Variants in SYNCRIP observed in about 807,000 individuals in gnomAD.
The protein encoded by SYNCRIP is synaptotagmin binding cytoplasmic RNA interacting protein, also known as heterogeneous nuclear ribonucleoprotein Q.
In SYNCRIP, 9 loss-of-function variants were observed where a neutral mutation model predicts 68.9. That is an observed-to-expected ratio of 0.13 (90% CI 0.08 to 0.23). The LOEUF is 0.23. Ranked by LOEUF, SYNCRIP falls within the 10% of genes least tolerant of loss-of-function variation. The probability of loss-of-function intolerance (pLI) is 1.00; values close to 1 mark genes in which losing one functional copy is unlikely to be tolerated. For synonymous variants in SYNCRIP, 258 were observed against 254.0 expected (o/e 1.02, Z -0.15); for missense variants, 414 against 770.6 (o/e 0.54, Z 5.48).
chr6:85,617,261 T>C (rs1169643304), intron 10 of SYNCRIP, among the ~76,000 whole-genome samples: 1 of 152,134 alleles, frequency 6.6e-6, no homozygotes, highest in African/African-American at 2.4e-5. Flanking sequence ...TCATCCCTTT[T>C]AGTTTGTACT....
intron 10 of SYNCRIP, among the ~76,000 whole-genome samples, chr6:85,615,698 C>T (rs1349288069): frequency 2.0e-5 from 3 of 152,118 alleles, no homozygotes; most frequent in Admixed American, 6.5e-5. Flanking sequence ...CCCAGCTATG[C>T]GGGAGGCTGA....
exon 12 of SYNCRIP, chr6:85,608,754 C>G (rs1423970395): frequency 1.3e-5 from 2 of 151,936 alleles, no homozygotes; most frequent in Non-Finnish European, 2.9e-5. Context: ...TGACCCAGAG[C>G]GTTAGTAATA....
At chr6:85,636,077 C>G (rs2128299834) in intron 6 of SYNCRIP, among the ~76,000 whole-genome samples, 1 of 152,290 alleles carries the variant, frequency 6.6e-6, no homozygotes, top group Non-Finnish European at 1.5e-5. Flanking sequence ...CTATAAAATG[C>G]AGAAACCACT....
chr6:85,626,929 T>C (rs1807102842), intron 6 of SYNCRIP, among the ~76,000 whole-genome samples: 3 of 152,168 alleles, frequency 2.0e-5, no homozygotes, highest in African/African-American at 7.2e-5. Flanking sequence ...TAGCAGGATC[T>C]ATAAAATAAA....
At chr6:85,608,498 T>G (rs1231817470) in exon 12 of SYNCRIP, 3 of 151,996 alleles carry the variant, frequency 2.0e-5, no homozygotes, top group Admixed American at 2.0e-4. Context: ...ACAGGTAATT[T>G]GAGGTTTTTG....
intron 6 of SYNCRIP, among the ~76,000 whole-genome samples, chr6:85,625,246 C>T (rs16876385): frequency 6.6e-6 from 1 of 152,030 alleles, no homozygotes; most frequent in East Asian, 1.9e-4. Context: ...TGTGGCCCTC[C>T]TGATCCCAGG....
intron 10 of SYNCRIP, among the ~76,000 whole-genome samples, chr6:85,616,376 A>T (rs1445301536): frequency 6.6e-6 from 1 of 152,150 alleles, no homozygotes; most frequent in East Asian, 1.9e-4. Context: ...CCCAGGCTGC[A>T]ATGCAGTGGC....
intron 6 of SYNCRIP, among the ~76,000 whole-genome samples, chr6:85,627,820 G>T (rs1452585202): frequency 6.6e-6 from 1 of 152,118 alleles, no homozygotes; most frequent in Non-Finnish European, 1.5e-5. Context: ...GATTAATTAT[G>T]ATCATTAATC....
chr6:85,635,774 C>CAAAAA lies in SYNCRIP; in HGVS notation c.666+1188_666+1192dup, dbSNP rs58599854. ...GGTGACAGAGTGAGATTCTATCTCC[C>CAAAAA]AAAAAAAAAAAAAAAAAAAAAAAGA... On this transcript the variant is annotated intron_variant, in intron 6 of 10. Coordinates refer to ENST00000369622, the MANE Select transcript of SYNCRIP (RefSeq NM_006372.5). 5.5e-3 allele frequency among the ~76,000 whole-genome samples: 425 copies of CAAAAA among 77,742 alleles called. 4 individuals carry two copies. Among genetic ancestry groups the CAAAAA allele is most frequent in the African/African-American group, 8.3e-3 (173 of 20,966 alleles). 51.0% of individuals were successfully genotyped at this position (77,742 alleles called of 152,430 possible).
chr6:85,638,009 C>A (rs1269524352), intron 4 of SYNCRIP, among the ~76,000 whole-genome samples: 1 of 152,148 alleles, frequency 6.6e-6, no homozygotes, highest in African/African-American at 2.4e-5. Context: ...CAAAAAGTAA[C>A]TGTTAAAATT....
chr6:85,613,948 G>T (rs1805488047), downstream of SYNCRIP: 1 of 975,502 alleles, frequency 1.0e-6, no homozygotes, highest in Non-Finnish European at 1.2e-6. Context: ...TCACAATTAA[G>T]AACTCTAAAA....
chr6:85,613,338 T>C (rs1241636495), downstream of SYNCRIP, among the ~76,000 whole-genome samples: 1 of 152,232 alleles, frequency 6.6e-6, no homozygotes, highest in African/African-American at 2.4e-5. Context: ...ACCTTGAGAT[T>C]TGAAATTTAG....
intron 8 of SYNCRIP, among the ~76,000 whole-genome samples, chr6:85,620,794 A>C (rs1041199035): frequency 1.3e-5 from 2 of 152,220 alleles, no homozygotes; most frequent in Non-Finnish European, 2.9e-5. Flanking sequence ...AAACTGCTCT[A>C]ATGAAGTCTA....
intron 8 of SYNCRIP, among the ~76,000 whole-genome samples, chr6:85,622,032 G>A (rs1230713369): frequency 1.3e-5 from 2 of 148,850 alleles, no homozygotes; most frequent in South Asian, 2.1e-4. Flanking sequence ...GCCTAGTCCC[G>A]TAGTAAAGAA....
At chr6:85,630,394 G>A (rs1195433374) in intron 6 of SYNCRIP, among the ~76,000 whole-genome samples, 1 of 152,124 alleles carries the variant, frequency 6.6e-6, no homozygotes, top group Non-Finnish European at 1.5e-5. Context: ...AAATCGTAAC[G>A]TGCAAACAGA....
downstream of SYNCRIP, chr6:85,612,330 A>C (rs759327168): frequency 6.6e-6 from 1 of 152,204 alleles, no homozygotes; most frequent in East Asian, 1.9e-4. Context: ...TGCCTGACTA[A>C]CCAGCTCTGA....
chr6:85,637,759 C>A (rs575025634), intron 4 of SYNCRIP, among the ~76,000 whole-genome samples: 1 of 152,256 alleles, frequency 6.6e-6, no homozygotes, highest in South Asian at 2.1e-4. Flanking sequence ...CCTATAAACC[C>A]CACTCCTAGG....
At chr6:85,621,936 T>C (rs1806459178) in intron 8 of SYNCRIP, among the ~76,000 whole-genome samples, 1 of 152,186 alleles carries the variant, frequency 6.6e-6, no homozygotes, top group Non-Finnish European at 1.5e-5. Context: ...ATTACAAGAT[T>C]GTGATGGCTA....
chr6:85,623,044 A>C (rs73483583), intron 7 of SYNCRIP, among the ~76,000 whole-genome samples: 3 of 152,278 alleles, frequency 2.0e-5, no homozygotes, highest in Non-Finnish European at 2.9e-5. Flanking sequence ...GCAAACACTA[A>C]AATTATTTTT....
Sources: allele counts gnomAD v4.1 joint callset (sites outside exome capture counted in the v4.1 genomes callset), GRCh38; gene constraint gnomAD v4.1.1; transcripts MANE v1.5; gene names NCBI Gene and HGNC (gene_info 2026-07-23, HGNC 2026-07-21).